The following CUX1 variants were observed in gnomAD, a reference collection of about 807,000 sequenced individuals.
CUX1 encodes the protein protein CASP.
Under a neutral mutation model 158.8 loss-of-function variants are expected in CUX1, and 31 were observed. That is an observed-to-expected ratio of 0.20 (90% CI 0.15 to 0.26). The LOEUF (loss-of-function observed/expected upper bound fraction) is 0.26, where lower values mean the gene tolerates loss of function less well. CUX1 is among the 10% of genes least tolerant of loss of function. The pLI, the probability that CUX1 is intolerant of heterozygous loss-of-function variation, is 1.00. For missense variants in CUX1, 1,589 were observed against 2,014.6 expected (o/e 0.79, Z 4.04); for synonymous variants, 879 against 862.1 (o/e 1.02, Z -0.34).
intron 20 of CUX1, among the ~76,000 whole-genome samples, chr7:102,216,584 CCACACACACACT>C (rs1563424964): frequency 5.9e-3 from 324 of 55,378 alleles, no homozygotes; most frequent in East Asian, 0.014. Context: ...ACACACTCTC[CCACACACACACT>C]CCCACACACA....
At chr7:102,202,273 C>A in intron 18 of CUX1, 69 bp downstream of exon 18, 1 of 1,525,116 alleles carries the variant, frequency 6.6e-7, no homozygotes, top group South Asian at 1.3e-5. Flanking sequence ...AGTATCTATC[C>A]CGCAGCCTGT....
At chr7:102,080,249 G>A (rs1554478142) in intron 4 of CUX1, among the ~76,000 whole-genome samples, 1 of 152,194 alleles carries the variant, frequency 6.6e-6, no homozygotes, top group Non-Finnish European at 1.5e-5. Context: ...TGCGTGGAGA[G>A]TGGAGAGGTG....
At chr7:101,883,590 T>G (rs1293539229) in intron 1 of CUX1, among the ~76,000 whole-genome samples, 2 of 125,686 alleles carry the variant, frequency 1.6e-5, no homozygotes, top group Non-Finnish European at 3.4e-5. Context: ...TTCTTTAATT[T>G]TTTTTTGAAA....
In CUX1 at chr7:102,251,522, G is replaced by A. The variant is rs529815466; in HGVS notation, c.*2480G>A. On this transcript the variant is annotated 3_prime_UTR_variant, in exon 24 of 24. Transcript: ENST00000292535. ...TAGGGGGCTGGGAGGCAGGCTGTTC[G>A]TTTGTCTTTTGTTGGGGGTATCATT... 7.1e-6 allele frequency: 7 copies of A among 985,384 alleles called. No individual in the cohort carries two copies. The highest frequency in any genetic ancestry group is 5.2e-4 in the Middle Eastern group (1 of 1,914). 61.0% of individuals were successfully genotyped at this position (985,384 alleles called of 1,614,324 possible).
intron 4 of CUX1, among the ~76,000 whole-genome samples, chr7:102,081,109 C>A (rs1361668651): frequency 6.6e-6 from 1 of 152,192 alleles, no homozygotes; most frequent in Non-Finnish European, 1.5e-5. Context: ...TTACACTCTT[C>A]CTCCTTAGAC....
Position 102,254,197 on chromosome 7 carries a change from G to C in CUX1, c.*5155G>C, listed in dbSNP as rs953138415. 2.0e-6 allele frequency: 2 copies of C among 985,518 alleles called. No homozygotes were observed. Among genetic ancestry groups the C allele is most frequent in the Non-Finnish European group, 2.4e-6 (2 of 830,068 alleles). 61.0% of individuals were successfully genotyped at this position (985,518 alleles called of 1,614,324 possible). ...TCTTTTGCAGGCAGGGCGTGGTCTCGGGGCTCCGAGGGTCTTGTCTTTGGT... is the reference window on the plus strand; with the variant it reads ...TCTTTTGCAGGCAGGGCGTGGTCTCCGGGCTCCGAGGGTCTTGTCTTTGGT... On this transcript the variant is annotated 3_prime_UTR_variant, in exon 24 of 24. Coordinates refer to ENST00000292535, the MANE Select transcript of CUX1 (RefSeq NM_181552.4).
intron 2 of CUX1, among the ~76,000 whole-genome samples, chr7:101,957,663 T>C (rs1585091487): frequency 6.6e-6 from 1 of 152,010 alleles, no homozygotes; most frequent in Non-Finnish European, 1.5e-5. Context: ...GAGGTGGAGG[T>C]TGCAGTGAGC....
intron 2 of CUX1, among the ~76,000 whole-genome samples, chr7:101,971,032 C>G (rs942609170): frequency 6.6e-6 from 1 of 152,202 alleles, no homozygotes; most frequent in Non-Finnish European, 1.5e-5. Flanking sequence ...CTGAGCTGAG[C>G]ACGTTCACAT....
chr7:102,204,996 A>G, intron 19 of CUX1, 118 bp from the exon 20 acceptor site: 1 of 650,492 alleles, frequency 1.5e-6, no homozygotes, highest in Non-Finnish European at 2.6e-6. Context: ...GTGGGTCCCC[A>G]TGCCCGCCCC....
chr7:102,216,530 C>CCCCACACACACACACACTCT (rs1563424380), intron 20 of CUX1, among the ~76,000 whole-genome samples: 1 of 85,544 alleles, frequency 1.2e-5, no homozygotes, highest in Non-Finnish European at 2.1e-5. Context: ...ACACACTCTC[C>CCCCACACACACACACACTCT]CCCCCACACA....
rs919684008 is a variant in CUX1, at chr7:102,000,046, G to A, written c.142-28052G>A. On this transcript the variant is annotated intron_variant, in intron 2 of 23. Coordinates refer to ENST00000292535, the MANE Select transcript of CUX1 (RefSeq NM_181552.4). ...AGCCTGGCCAACATGGCGAAACCCC[G>A]TCTCTATAAAAGTACAAAAATTAGC... is the stretch of plus-strand genomic sequence containing the variant. Among the ~76,000 whole-genome samples the A allele has an allele frequency of 3.9e-5, 6 of 152,200 alleles. 1 individual carries two copies. Among genetic ancestry groups the A allele is most frequent in the Admixed American group, 2.0e-4 (3 of 15,268 alleles).
In CUX1 at chr7:102,070,114, T is replaced by C. The variant is rs140697652; in HGVS notation, c.190-225T>C. 6.2e-3 allele frequency among the ~76,000 whole-genome samples: 946 copies of C among 152,304 alleles called. 10 individuals are homozygous for C. The highest frequency in any genetic ancestry group is 0.024 in the Middle Eastern group (7 of 294). On this transcript the variant is annotated intron_variant, in intron 3 of 23. Transcript: ENST00000292535. ...GGAAGACCCACCCAGTGTTCCCTGC[T>C]GTATAGTGAATGGCTCCATACTCCC...
At chr7:102,088,858 A>G (rs1278691786) in intron 4 of CUX1, among the ~76,000 whole-genome samples, 1 of 152,150 alleles carries the variant, frequency 6.6e-6, no homozygotes, top group Non-Finnish European at 1.5e-5. Context: ...CTTTGGGTTT[A>G]TCCTGCATGG....
intron 1 of CUX1, among the ~76,000 whole-genome samples, chr7:101,829,025 T>C (rs1218189330): frequency 6.6e-6 from 1 of 152,010 alleles, no homozygotes; most frequent in African/African-American, 2.4e-5. Context: ...TTAAGGTCAG[T>C]GGAAAAGTGG....
intron 1 of CUX1, among the ~76,000 whole-genome samples, chr7:101,835,446 C>A (rs1484133338): frequency 6.6e-6 from 1 of 152,212 alleles, no homozygotes; most frequent in South Asian, 2.1e-4. Context: ...TTGTGAATAA[C>A]GCTGCTGTGA....
At chr7:101,822,005 C>T (rs1792695940) in intron 1 of CUX1, among the ~76,000 whole-genome samples, 1 of 151,868 alleles carries the variant, frequency 6.6e-6, no homozygotes, top group African/African-American at 2.4e-5. Context: ...CAGGCGCCCG[C>T]CACCACGCCC....
At chr7:102,198,140 G>C (rs1554518877) in intron 15 of CUX1, among the ~76,000 whole-genome samples, 1 of 152,084 alleles carries the variant, frequency 6.6e-6, no homozygotes, top group African/African-American at 2.4e-5. Context: ...TGTACCTGTG[G>C]TCCCAGCTAC....
chr7:102,228,596 C>T (rs1027528186), intron 21 of CUX1, among the ~76,000 whole-genome samples: 7 of 151,994 alleles, frequency 4.6e-5, no homozygotes, highest in South Asian at 4.1e-4. Flanking sequence ...GCCAGGAGTT[C>T]GAGACCAACC....
At chr7:101,868,286 TC>T (rs755756201) in intron 1 of CUX1, among the ~76,000 whole-genome samples, 1 of 152,166 alleles carries the variant, frequency 6.6e-6, no homozygotes. Context: ...CCATCCCCAG[TC>T]CCTTTACGGC....
Sources: allele counts gnomAD v4.1 joint callset (sites outside exome capture counted in the v4.1 genomes callset), GRCh38; gene constraint gnomAD v4.1.1; transcripts MANE v1.5; gene names NCBI Gene and HGNC (gene_info 2026-07-23, HGNC 2026-07-21).